The following ERBB4 variants were observed in gnomAD, a reference collection of about 807,000 sequenced individuals.
ERBB4 encodes the protein receptor tyrosine-protein kinase erbB-4.
ERBB4 carries 42 observed loss-of-function variants against 158.0 expected under a neutral mutation model. That is an observed-to-expected ratio of 0.27 (90% confidence interval 0.21 to 0.34). The LOEUF is 0.34. ERBB4 is among the 10% of genes least tolerant of loss of function. ERBB4 has a pLI of 1.00. For missense variants in ERBB4, 1,333 were observed against 1,624.1 expected (o/e 0.82, Z 3.08); for synonymous variants, 583 against 558.7 (o/e 1.04, Z -0.61).
intron 1 of ERBB4, among the ~76,000 whole-genome samples, chr2:212,361,848 C>A (rs981299598): frequency 2.6e-5 from 4 of 151,618 alleles, no homozygotes; most frequent in Admixed American, 1.3e-4. Context: ...TGAAAAACAG[C>A]AGAAGTGTGA....
At chr2:212,062,477 G>A (rs367881416) in intron 2 of ERBB4, among the ~76,000 whole-genome samples, 12 of 131,840 alleles carry the variant, frequency 9.1e-5, no homozygotes, top group Admixed American at 9.5e-5. Flanking sequence ...GTGCAATCTC[G>A]GCTCACTGCA....
chr2:212,022,065 C>T (rs2076665071), intron 2 of ERBB4, among the ~76,000 whole-genome samples: 1 of 152,166 alleles, frequency 6.6e-6, no homozygotes, highest in Admixed American at 6.5e-5. Flanking sequence ...TGCTTTTACA[C>T]CATTGCTGCG....
At chr2:211,764,169 T>C (rs2075489560) in intron 4 of ERBB4, among the ~76,000 whole-genome samples, 1 of 152,200 alleles carries the variant, frequency 6.6e-6, no homozygotes, top group African/African-American at 2.4e-5. Flanking sequence ...ATATAATATA[T>C]TTTAAAAATC....
At chr2:212,170,540 G>C (rs113364974) in intron 1 of ERBB4, among the ~76,000 whole-genome samples, 1,651 of 152,286 alleles carry the variant, frequency 0.011, 15 homozygotes, top group Middle Eastern at 0.024. Context: ...AGAGATGTTG[G>C]TGGCAGCCCC....
chr2:211,551,433 T>C (rs1206755522), intron 20 of ERBB4, among the ~76,000 whole-genome samples: 6 of 152,350 alleles, frequency 3.9e-5, no homozygotes, highest in Admixed American at 2.6e-4. Flanking sequence ...CCACTAATAC[T>C]GTGACTTGTA....
At chr2:211,641,866 C>T (rs1048524575) in intron 16 of ERBB4, among the ~76,000 whole-genome samples, 18 of 151,854 alleles carry the variant, frequency 1.2e-4, no homozygotes, top group African/African-American at 4.3e-4. Flanking sequence ...TATAATTATG[C>T]TTTCTTGGAT....
At position 211,772,908 on chromosome 2, in the gene ERBB4, T is replaced by TACACACACAC. The variant is rs200843814; in HGVS notation, c.556+15107_556+15116dup. On this transcript the variant is annotated intron_variant, in intron 4 of 27. Coordinates refer to ENST00000342788, the MANE Select transcript of ERBB4 (RefSeq NM_005235.3). ...ATACACACACACACACATATATATA[T>TACACACACAC]ACACACACACACACACATATATATA... Among the ~76,000 whole-genome samples, 14 of 61,314 alleles carry TACACACACAC rather than the reference T, an allele frequency of 2.3e-4. 1 individual carries two copies. The highest frequency in any genetic ancestry group is 8.8e-4 in the African/African-American group (12 of 13,568). 40.2% of individuals were successfully genotyped at this position (61,314 alleles called of 152,430 possible).
intron 19 of ERBB4, among the ~76,000 whole-genome samples, chr2:211,580,805 T>G (rs1186503612): frequency 1.6e-5 from 1 of 61,976 alleles, no homozygotes; most frequent in African/African-American, 1.1e-4. Flanking sequence ...TATATATATA[T>G]ATATATAATA....
chr2:212,339,087 T>A (rs191431942), intron 1 of ERBB4, among the ~76,000 whole-genome samples: 5 of 152,224 alleles, frequency 3.3e-5, no homozygotes, highest in African/African-American at 9.6e-5. Context: ...GCCATGGTGG[T>A]TTGCTGCACC....
chr2:212,232,633 C>A (rs1411678297), intron 1 of ERBB4, among the ~76,000 whole-genome samples: 1 of 152,182 alleles, frequency 6.6e-6, no homozygotes, highest in Non-Finnish European at 1.5e-5. Flanking sequence ...TGGTCTCCAT[C>A]TCCTGACCTC....
rs201387081 is a variant in ERBB4, at chr2:211,705,639, ACTATT to A, written c.1125-253_1125-249del. Among the ~76,000 whole-genome samples, 895 of 152,308 alleles carry A rather than the reference ACTATT, an allele frequency of 5.9e-3. 7 individuals are homozygous for A. Among genetic ancestry groups the A allele is most frequent in the Middle Eastern group, 6.8e-3 (2 of 294 alleles). On this transcript the variant is annotated intron_variant, in intron 9 of 27. Transcript: ENST00000342788. ...AGATCTATAAGATTATTCAGCTTCA[ACTATT>A]CTGATGAAATTCCCAAAGACAGCAA...
At chr2:211,650,049 A>G (rs1191887578) in intron 16 of ERBB4, among the ~76,000 whole-genome samples, 3 of 152,016 alleles carry the variant, frequency 2.0e-5, no homozygotes, top group Non-Finnish European at 4.4e-5. Context: ...ATTTGAATTA[A>G]TATCTACACA....
At chr2:211,944,053 C>CATAT (rs143432331) in intron 3 of ERBB4, among the ~76,000 whole-genome samples, 1 of 135,290 alleles carries the variant, frequency 7.4e-6, no homozygotes, top group African/African-American at 2.7e-5. Context: ...AAACGCAAAC[C>CATAT]ATATATATAT....
At chr2:211,928,591 G>C (rs900725633) in intron 3 of ERBB4, among the ~76,000 whole-genome samples, 12 of 152,066 alleles carry the variant, frequency 7.9e-5, no homozygotes, top group African/African-American at 2.2e-4. Context: ...TTTTACCATC[G>C]GGCCTTCAAG....
intron 1 of ERBB4, among the ~76,000 whole-genome samples, chr2:212,169,658 A>T (rs971790849): frequency 3.9e-5 from 6 of 152,130 alleles, no homozygotes; most frequent in African/African-American, 1.2e-4. Flanking sequence ...ATCTCATCTC[A>T]AATTGTAATC....
At chr2:212,021,591 A>C (rs1243067167) in intron 2 of ERBB4, among the ~76,000 whole-genome samples, 1 of 152,192 alleles carries the variant, frequency 6.6e-6, no homozygotes, top group Non-Finnish European at 1.5e-5. Context: ...TTAAAGGCTT[A>C]AATGTCAAAC....
chr2:211,846,159 C>T (rs968394113), intron 3 of ERBB4, among the ~76,000 whole-genome samples: 1 of 151,664 alleles, frequency 6.6e-6, no homozygotes, highest in Non-Finnish European at 1.5e-5. Context: ...AGCCATATCA[C>T]TCACTGTAAC....
intron 1 of ERBB4, among the ~76,000 whole-genome samples, chr2:212,278,891 A>G (rs16848148): frequency 0.052 from 7,823 of 151,726 alleles, 258 homozygotes; most frequent in African/African-American, 0.091. Flanking sequence ...ATAACATTTG[A>G]TTAGCTCTAT....
intron 1 of ERBB4, among the ~76,000 whole-genome samples, chr2:212,188,184 GTCTCTCTCTCTC>G (rs1169851002): frequency 1.5e-4 from 3 of 20,518 alleles, no homozygotes; most frequent in African/African-American, 2.9e-4. Flanking sequence ...ATACCTTCAG[GTCTCTCTCTCTC>G]TCTCTCTCTC....
Sources: gnomAD v4.1 joint callset for allele counts (sites outside exome capture counted in the v4.1 genomes callset) on GRCh38, gnomAD v4.1.1 for gene constraint, MANE v1.5 for transcripts, NCBI Gene and HGNC (gene_info 2026-07-23, HGNC 2026-07-21) for gene names.